PRCC: variants seen among roughly 807,000 people sequenced by gnomAD.
PRCC encodes the protein proline-rich protein PRCC.
Under a neutral mutation model 44.0 loss-of-function variants are expected in PRCC, and 10 were observed. That is an observed-to-expected ratio of 0.23 (90% CI 0.14 to 0.39). The LOEUF (loss-of-function observed/expected upper bound fraction) is 0.39. PRCC is among the 10% of genes least tolerant of loss of function. The pLI, the probability that PRCC is intolerant of heterozygous loss-of-function variation, is 1.00. For synonymous variants in PRCC, 278 were observed against 259.5 expected, an observed-to-expected ratio of 1.07 and a Z score of -0.69; for missense variants, 573 against 624.7, an observed-to-expected ratio of 0.92 and a Z score of 0.88.
At chr1:156,776,195 T>C (rs1344727312) in intron 1 of PRCC, among the ~76,000 whole-genome samples, 1 of 152,078 alleles carries the variant, frequency 6.6e-6, no homozygotes, top group Non-Finnish European at 1.5e-5. Context: ...GCCTTTTATC[T>C]CTACAAAAAA....
At chr1:156,780,362 A>T (rs1254294873) in intron 1 of PRCC, among the ~76,000 whole-genome samples, 1 of 151,930 alleles carries the variant, frequency 6.6e-6, no homozygotes, top group Non-Finnish European at 1.5e-5. Context: ...CCACACTGTC[A>T]TATGGTAAAT....
At chr1:156,790,166 T>C (rs1445895296) in intron 3 of PRCC, among the ~76,000 whole-genome samples, 5 of 152,268 alleles carry the variant, frequency 3.3e-5, no homozygotes, top group African/African-American at 1.2e-4. Flanking sequence ...ATTATTGTTT[T>C]CAATCTGGGC....
At position 156,786,766 on chromosome 1, in the gene PRCC, G is replaced by T; in HGVS notation, c.675G>T (p.Lys225Asn). 1 of 1,614,154 alleles carries T rather than the reference G, an allele frequency of 6.2e-7. No individual in the cohort carries two copies. The highest frequency in any genetic ancestry group is 8.5e-7 in the Non-Finnish European group (1 of 1,180,034). Reference protein sequence around the residue: ...TKPSRLASKTKTSSLAPVVGT... With the variant: ...TKPSRLASKTNTSSLAPVVGT... ...CCTCCAGACTGGCTTCTAAGACCAA[G>T]ACTTCCTCTCTTGCCCCTGTTGTGG... The change falls in exon 3 of 7, where the codon AAG becomes AAT. Residue 225 changes from lysine (K) to asparagine (N), a missense_variant. By Grantham distance (94) the Lys-to-Asn change is moderately conservative (BLOSUM62 0). Transcript: ENST00000271526.
chr1:156,768,149 TGGC>T lies in PRCC; in HGVS notation c.381_383del (p.Gly128del). 1 of 1,559,610 alleles carries T rather than the reference TGGC, an allele frequency of 6.4e-7. No homozygotes were observed. The highest frequency in any genetic ancestry group is 2.4e-5 in the East Asian group (1 of 42,156). On this transcript the variant is annotated inframe_deletion, in exon 1 of 7. Transcript: ENST00000271526. Reference sequence around the variant, plus strand: ...CTGGCCTCAATCTGCCCCCTCCAATTGGCGGTGCCGGTCCCCCGCTGGGGCTTC... The same window carrying T: ...CTGGCCTCAATCTGCCCCCTCCAATTGGTGCCGGTCCCCCGCTGGGGCTTC...
At chr1:156,778,618 T>G (rs1223851373) in intron 1 of PRCC, among the ~76,000 whole-genome samples, 3 of 150,718 alleles carry the variant, frequency 2.0e-5, no homozygotes, top group Non-Finnish European at 3.0e-5. Context: ...GGTCTCACTC[T>G]GTTGCCCAGG....
chr1:156,770,532 G>T (rs1199879946), intron 1 of PRCC, among the ~76,000 whole-genome samples: 1 of 152,188 alleles, frequency 6.6e-6, no homozygotes, highest in Non-Finnish European at 1.5e-5. Context: ...GTGCCACCAC[G>T]CCCAGCTAAT....
At chr1:156,779,126 ATATTTTTT>A (rs1651945770) in intron 1 of PRCC, among the ~76,000 whole-genome samples, 33 of 29,316 alleles carry the variant, frequency 1.1e-3, no homozygotes, top group African/African-American at 1.5e-3. Flanking sequence ...ATATATATAT[ATATTTTTT>A]TTTTTTTTTT....
At chr1:156,779,530 C>T (rs1651971165) in intron 1 of PRCC, among the ~76,000 whole-genome samples, 2 of 6,728 alleles carry the variant, frequency 3.0e-4, no homozygotes, top group South Asian at 0.11. Context: ...CGCCATCATG[C>T]CCAGCTTTTT....
chr1:156,786,693 C>G lies in PRCC; in HGVS notation c.602C>G (p.Pro201Arg), dbSNP rs151117901. 31 of 1,614,166 alleles carry G rather than the reference C, an allele frequency of 1.9e-5. No individual in the cohort carries two copies. The East Asian group carries it at 2.0e-4, about 10-fold the overall frequency. ...TVKETNRLLLPHAFSRKPSDG... is the reference protein window; with the variant it reads ...TVKETNRLLLRHAFSRKPSDG... ...AAAGAGACTAACAGGTTGCTCCTGC[C>G]CCATGCCTTCTCCCGCAAACCCTCG... The change falls in exon 3 of 7, where the codon CCC (proline) becomes CGC (arginine). Residue 201 changes from proline to arginine, a missense_variant. By Grantham distance (103) the Pro-to-Arg change is moderately radical (BLOSUM62 -2). Around this residue, in one of 4 missense-constraint regions of PRCC, gnomAD observed 118 missense variants for 166.7 expected, o/e 0.71. Transcript: ENST00000271526.
intron 3 of PRCC, chr1:156,791,123 C>A (rs752075747): frequency 7.0e-7 from 1 of 1,419,498 alleles, no homozygotes. Context: ...GATTCCTGAA[C>A]TCAAAATCTG....
chr1:156,794,565 T>C (rs886739122), intron 4 of PRCC, 100 bp from the exon 5 acceptor site: 9 of 1,425,454 alleles, frequency 6.3e-6, no homozygotes, highest in Admixed American at 6.0e-5. Context: ...TGCCTTGGGA[T>C]TGGTGAGTCA....
intron 1 of PRCC, among the ~76,000 whole-genome samples, chr1:156,780,869 C>T (rs1339763145): frequency 1.3e-5 from 2 of 152,054 alleles, no homozygotes; most frequent in Non-Finnish European, 2.9e-5. Flanking sequence ...CTGGGGATTA[C>T]AGGCGCCCAC....
chr1:156,769,366 G>A (rs752778787), intron 1 of PRCC, among the ~76,000 whole-genome samples: 4 of 151,782 alleles, frequency 2.6e-5, no homozygotes, highest in Non-Finnish European at 5.9e-5. Context: ...TTTCTCCATT[G>A]CACTTAACAT....
intron 1 of PRCC, among the ~76,000 whole-genome samples, chr1:156,779,981 C>T (rs1459301434): frequency 6.6e-6 from 1 of 152,036 alleles, no homozygotes; most frequent in Non-Finnish European, 1.5e-5. Flanking sequence ...ACCTCCGCCT[C>T]CTGGATTCAA....
rs1652799724 is a variant in PRCC, at chr1:156,800,513, C to T, written c.*53C>T. The T allele has an allele frequency of 1.1e-5, 18 of 1,586,522 alleles. No individual in the cohort carries two copies. The highest frequency in any genetic ancestry group is 1.3e-5 in the Non-Finnish European group (15 of 1,155,690). On this transcript the variant is annotated 3_prime_UTR_variant, in exon 7 of 7. Transcript: ENST00000271526. ...CTCCTGCCAGCCCAGCTGGCCTGGC[C>T]CCCAGCTTCACCTCTGGGACCCCAG...
In PRCC at chr1:156,767,822, T is replaced by A. The variant is rs558049200; in HGVS notation, c.51T>A (p.Ala17=). The change falls in exon 1 of 7, where the codon GCT becomes GCA. Residue 17 remains alanine, a synonymous_variant. Coordinates refer to ENST00000271526, the MANE Select transcript of PRCC (RefSeq NM_005973.5). ...GCGATGAGAGCGAGCCGGATGAGGC[T>A]GAGCCCGAGCCGGAGGAAGAGGAGG... The part of the protein sequence containing the change: ...ASSDESEPDE[A]EPEPEEEEAV... The A allele has an allele frequency of 5.6e-6, 9 of 1,610,432 alleles. No homozygotes were observed. In the Admixed American group the frequency reaches 1.5e-4, roughly 27 times the overall value.
At chr1:156,784,615 C>T (rs1356340323) in intron 2 of PRCC, among the ~76,000 whole-genome samples, 1 of 152,218 alleles carries the variant, frequency 6.6e-6, no homozygotes, top group Non-Finnish European at 1.5e-5. Flanking sequence ...TGGACCAAAT[C>T]TGTGAACACA....
chr1:156,799,190 G>A (rs1402783816), intron 6 of PRCC, among the ~76,000 whole-genome samples: 1 of 152,096 alleles, frequency 6.6e-6, no homozygotes, highest in Non-Finnish European at 1.5e-5. Context: ...CTATAGATTT[G>A]TGTATATTTT....
chr1:156,786,514 G>T lies in PRCC; in HGVS notation c.517-94G>T, dbSNP rs1010444735. Reference sequence around the variant, plus strand: ...AGGGCTGGTAAGATTTTAGGCTAGAGAACTTATCTGTAACTGTTGTTTTTG... The same window carrying T: ...AGGGCTGGTAAGATTTTAGGCTAGATAACTTATCTGTAACTGTTGTTTTTG... On this transcript the variant is annotated intron_variant, in intron 2 of 6. Transcript: ENST00000271526. The T allele has an allele frequency of 1.5e-5, 20 of 1,307,910 alleles. No homozygotes were observed. In the East Asian group the frequency reaches 4.4e-4, roughly 29 times the overall value. The allele number at this position is 1,307,910 out of a possible 1,614,324, so 81.0% of individuals were successfully genotyped here.
Sources: allele counts gnomAD v4.1 joint callset (sites outside exome capture counted in the v4.1 genomes callset), GRCh38; gene constraint gnomAD v4.1.1; regional missense constraint gnomAD v4.1.1; transcripts MANE v1.5; gene names NCBI Gene and HGNC (gene_info 2026-07-23, HGNC 2026-07-21).